Variants in RBMS3 observed in about 807,000 individuals in gnomAD.
RBMS3 encodes RNA-binding motif, single-stranded-interacting protein 3.
A neutral mutation model predicts 66.8 loss-of-function variants in RBMS3; 27 were observed. The observed-to-expected ratio is 0.40, with a 90% CI of 0.30 to 0.56. RBMS3 has a LOEUF of 0.56. Among genes scored for constraint, RBMS3 ranks in the 20% least tolerant of loss-of-function variants. RBMS3 has a pLI of 0.40. For missense variants in RBMS3, 513 were observed against 549.5 expected, an observed-to-expected ratio of 0.93 and a Z score of 0.66; for synonymous variants, 188 against 183.0, an observed-to-expected ratio of 1.03 and a Z score of -0.22.
At chr3:29,529,223 G>A (rs2045255815) in intron 3 of RBMS3, among the ~76,000 whole-genome samples, 1 of 152,108 alleles carries the variant, frequency 6.6e-6, no homozygotes, top group African/African-American at 2.4e-5. Flanking sequence ...TCAGACAAGG[G>A]GATAAGCACT....
At chr3:29,297,483 A>G (rs1017193501) in intron 1 of RBMS3, among the ~76,000 whole-genome samples, 2 of 151,998 alleles carry the variant, frequency 1.3e-5, no homozygotes, top group East Asian at 1.9e-4. Flanking sequence ...ATTTCTTTGC[A>G]CTTCCATTAT....
intron 2 of RBMS3, among the ~76,000 whole-genome samples, chr3:29,485,338 A>G (rs887225119): frequency 6.6e-6 from 1 of 152,150 alleles, no homozygotes; most frequent in East Asian, 1.9e-4. Flanking sequence ...AAATGTAATA[A>G]GCAAATAGTT....
intron 1 of RBMS3, among the ~76,000 whole-genome samples, chr3:29,300,410 C>G (rs538241171): frequency 6.6e-6 from 1 of 151,992 alleles, no homozygotes; most frequent in African/African-American, 2.4e-5. Flanking sequence ...ATCTAACTGT[C>G]CATCAATAAA....
intron 7 of RBMS3, among the ~76,000 whole-genome samples, chr3:29,878,239 C>T (rs1450573092): frequency 2.0e-5 from 3 of 152,030 alleles, no homozygotes; most frequent in Non-Finnish European, 4.4e-5. Context: ...CTGTGCAGCC[C>T]GGTTCCTAAC....
At chr3:29,485,568 T>C (rs2125826920) in intron 2 of RBMS3, among the ~76,000 whole-genome samples, 1 of 152,296 alleles carries the variant, frequency 6.6e-6, no homozygotes, top group Non-Finnish European at 1.5e-5. Flanking sequence ...AGGGAGTTCC[T>C]ACTTTGGCTA....
chr3:29,896,703 T>C (rs1166380933), intron 8 of RBMS3, among the ~76,000 whole-genome samples: 2 of 151,596 alleles, frequency 1.3e-5, no homozygotes, highest in Non-Finnish European at 3.0e-5. Context: ...TCATCCCTCC[T>C]CTGATTTGTG....
At chr3:29,491,970 G>A (rs1220465890) in intron 3 of RBMS3, among the ~76,000 whole-genome samples, 2 of 151,052 alleles carry the variant, frequency 1.3e-5, no homozygotes, top group Admixed American at 1.3e-4. Context: ...TCCAGCCTGG[G>A]TGACAGAGCA....
intron 1 of RBMS3, among the ~76,000 whole-genome samples, chr3:29,289,902 A>G (rs2032679203): frequency 6.6e-6 from 1 of 151,876 alleles, no homozygotes; most frequent in South Asian, 2.1e-4. Flanking sequence ...TTAGCTGATA[A>G]TTTTCAAGCT....
At chr3:29,776,059 T>G (rs2056416092) in intron 6 of RBMS3, among the ~76,000 whole-genome samples, 1 of 152,006 alleles carries the variant, frequency 6.6e-6, no homozygotes, top group Non-Finnish European at 1.5e-5. Context: ...AGGACGCAAC[T>G]CAATATTTGC....
chr3:29,691,587 A>G (rs1391941032), intron 4 of RBMS3, among the ~76,000 whole-genome samples: 1 of 152,198 alleles, frequency 6.6e-6, no homozygotes, highest in African/African-American at 2.4e-5. Context: ...GAAGTCCCAC[A>G]GAAATGCCCC....
chr3:29,583,914 C>G (rs572706696), intron 3 of RBMS3, among the ~76,000 whole-genome samples: 6 of 152,200 alleles, frequency 3.9e-5, no homozygotes, highest in African/African-American at 1.4e-4. Flanking sequence ...CACACACACA[C>G]AGACAACCAT....
intron 3 of RBMS3, among the ~76,000 whole-genome samples, chr3:29,562,428 G>T (rs577940089): frequency 6.6e-6 from 1 of 152,002 alleles, no homozygotes; most frequent in Admixed American, 6.5e-5. Flanking sequence ...TTTAAAAATA[G>T]TGCTGACCAA....
chr3:29,372,449 T>A (rs2038255579), intron 1 of RBMS3, among the ~76,000 whole-genome samples: 1 of 152,294 alleles, frequency 6.6e-6, no homozygotes, highest in Non-Finnish European at 1.5e-5. Context: ...AGTTTCCCCT[T>A]CTGATAAACA....
rs71091078 is a variant in RBMS3 at position 29,820,188 on chromosome 3, C to CAAAAAAAAAAAA, written c.638-48627_638-48616dup. Among the ~76,000 whole-genome samples, 15 of 69,828 alleles carry CAAAAAAAAAAAA rather than the reference C, an allele frequency of 2.1e-4. 1 individual carries two copies. The highest frequency in any genetic ancestry group is 0.01 in the Middle Eastern group (1 of 98). 45.8% of individuals were successfully genotyped at this position (69,828 alleles called of 152,430 possible). Reference sequence around the variant, plus strand: ...TGGGTAACAGAGTGAGACTTCTTCTCAAAAAAAAAAAAAAAAAAAAAAAAA... The same window carrying CAAAAAAAAAAAA: ...TGGGTAACAGAGTGAGACTTCTTCTCAAAAAAAAAAAAAAAAAAAAAAAAAAAAAAAAAAAAA... On this transcript the variant is annotated intron_variant, in intron 6 of 14. Transcript: ENST00000383767.
intron 10 of RBMS3, among the ~76,000 whole-genome samples, chr3:29,933,171 A>G (rs2061174457): frequency 6.6e-6 from 1 of 152,162 alleles, no homozygotes; most frequent in South Asian, 2.1e-4. Context: ...ATGTGTTGGC[A>G]ACATCTGTCA....
chr3:29,307,035 G>A (rs114249268), intron 1 of RBMS3, among the ~76,000 whole-genome samples: 5,682 of 151,838 alleles, frequency 0.037, 137 homozygotes, highest in South Asian at 0.07. Flanking sequence ...AAAAGAAAAC[G>A]CACTGTTTTA....
chr3:29,288,928 A>G (rs796393724), intron 1 of RBMS3, among the ~76,000 whole-genome samples: 1 of 151,944 alleles, frequency 6.6e-6, no homozygotes, highest in South Asian at 2.1e-4. Context: ...TTCTTTTGAG[A>G]TTCCCTTCTT....
At chr3:29,636,329 TTTAAC>T (rs1449795491) in intron 4 of RBMS3, among the ~76,000 whole-genome samples, 1 of 151,892 alleles carries the variant, frequency 6.6e-6, no homozygotes, top group Non-Finnish European at 1.5e-5. Context: ...TTGGCTGCCT[TTTAAC>T]TTAATAACTT....
chr3:29,659,988 C>T (rs766784999), intron 4 of RBMS3, among the ~76,000 whole-genome samples: 6 of 152,102 alleles, frequency 3.9e-5, no homozygotes, highest in African/African-American at 1.4e-4. Flanking sequence ...TGATGTTAAG[C>T]GTCTTTAATT....
Sources: allele counts gnomAD v4.1 joint callset (sites outside exome capture counted in the v4.1 genomes callset), GRCh38; gene constraint gnomAD v4.1.1; transcripts MANE v1.5; gene names NCBI Gene and HGNC (gene_info 2026-07-23, HGNC 2026-07-21).